CRIP3: variants seen among roughly 807,000 people sequenced by gnomAD.
The protein encoded by CRIP3 is cysteine-rich protein 3.
Under a neutral mutation model 30.3 loss-of-function variants are expected in CRIP3, and 23 were observed. The ratio of observed to expected loss-of-function variants is 0.76; its 90% CI spans 0.55 to 1.08. The LOEUF (loss-of-function observed/expected upper bound fraction) is 1.08. CRIP3 is among the 50% of genes least tolerant of loss of function. CRIP3 has a pLI of 0.00. For missense variants in CRIP3, 261 were observed against 259.3 expected (o/e 1.01, Z -0.04); for synonymous variants, 89 against 97.6 (o/e 0.91, Z 0.52).
intron 1 of CRIP3, 137 bp downstream of exon 1, chr6:43,308,612 CG>C: frequency 9.1e-7 from 1 of 1,095,816 alleles, no homozygotes; most frequent in Non-Finnish European, 1.3e-6. Context: ...CGAGTGGGAG[CG>C]GGTGGTGCGG....
chr6:43,306,702 C>A (rs565956092), intron 4 of CRIP3, 185 bp from the exon 5 acceptor site: 125 of 598,442 alleles, frequency 2.1e-4, no homozygotes, highest in South Asian at 1.5e-3. Context: ...TGCCCCATCC[C>A]TATGTGTATT....
At chr6:43,306,664 G>C in intron 4 of CRIP3, 147 bp from the exon 5 acceptor site, 1 of 645,324 alleles carries the variant, frequency 1.5e-6, no homozygotes, top group South Asian at 2.0e-5. Flanking sequence ...TACAGGCCCA[G>C]AGCTGAGCCC....
chr6:43,307,979 G>C, intron 2 of CRIP3, 83 bp from the exon 3 acceptor site: 1 of 1,472,380 alleles, frequency 6.8e-7, no homozygotes, highest in Non-Finnish European at 9.4e-7. Context: ...CAGGCTGCCA[G>C]GTGTGTCTGT....
At chr6:43,305,915 TG>T (rs756757403) in intron 7 of CRIP3, 40 bp from the exon 8 acceptor site, 24 of 1,613,796 alleles carry the variant, frequency 1.5e-5, no homozygotes, top group Middle Eastern at 3.3e-4. Context: ...CCTGGGTCTG[TG>T]GTGCAGGGTT....
intron 4 of CRIP3, 42 bp from the exon 5 acceptor site, chr6:43,306,559 T>C: frequency 2.0e-6 from 3 of 1,496,048 alleles, no homozygotes; most frequent in South Asian, 1.3e-5. Context: ...GAGGTGGAGA[T>C]GCCCACCAGC....
In CRIP3 at chr6:43,307,913, G is replaced by T; in HGVS notation, c.139-17C>A. ...CCCATTGTGCTGGGCACAAGCAGAG[G>T]GAAGTGGGTTACTCAAGGCCAGCGG... is the stretch of plus-strand genomic sequence containing the variant. On this transcript the variant is annotated splice_polypyrimidine_tract_variant and intron_variant, in intron 2 of 7. Coordinates refer to ENST00000372569, the MANE Select transcript of CRIP3 (RefSeq NM_206922.3). The T allele has an allele frequency of 6.2e-7, 1 of 1,613,278 alleles. No individual in the cohort carries two copies. The highest frequency in any genetic ancestry group is 2.2e-5 in the East Asian group (1 of 44,860).
intron 6 of CRIP3, 43 bp from the exon 7 acceptor site, chr6:43,306,167 T>G: frequency 1.2e-6 from 2 of 1,614,000 alleles, no homozygotes; most frequent in East Asian, 4.5e-5. Context: ...CCTGGTTCTC[T>G]TCCCATCTCC....
At chr6:43,307,481 A>G (rs1357034020) in intron 4 of CRIP3, 131 bp downstream of exon 4, 10 of 872,460 alleles carry the variant, frequency 1.1e-5, no homozygotes, top group African/African-American at 3.5e-5. Context: ...GATAGAGAAG[A>G]CTTTGCCAAG....
In CRIP3 at chr6:43,308,307, G is replaced by C. The variant is rs771811816; in HGVS notation, c.138+8C>G. 1 of 1,609,324 alleles carries C rather than the reference G, an allele frequency of 6.2e-7. No homozygotes were observed. Among genetic ancestry groups the C allele is most frequent in the Non-Finnish European group, 8.5e-7 (1 of 1,177,430 alleles). Reference sequence around the variant, plus strand: ...TAAACAGGGCAGTGCTCCCTGGCCAGGTCTTACCTCTGCATGCCCGCCAGG... The same window carrying C: ...TAAACAGGGCAGTGCTCCCTGGCCACGTCTTACCTCTGCATGCCCGCCAGG... On this transcript the variant is annotated splice_region_variant and intron_variant, in intron 2 of 7. Transcript: ENST00000372569.
At chr6:43,308,245 T>G in intron 2 of CRIP3, 70 bp downstream of exon 2, 9 of 1,356,946 alleles carry the variant, frequency 6.6e-6, no homozygotes, top group Non-Finnish European at 8.2e-6. Context: ...AGTGCTGAAG[T>G]TGGGGGCTGG....
rs1778977165 is a variant in CRIP3, at chr6:43,307,751, G to A, written c.197-8C>T. The A allele has an allele frequency of 1.9e-6, 3 of 1,599,620 alleles. No homozygotes were observed. Among genetic ancestry groups the A allele is most frequent in the African/African-American group, 2.7e-5 (2 of 74,386 alleles). ...CACCACCAATGTTCACCCCTGAAGA[G>A]AGAATAGGGGAGGTCAGGCTTGAGC... On this transcript the variant is annotated splice_polypyrimidine_tract_variant and splice_region_variant and intron_variant, in intron 3 of 7. Coordinates refer to ENST00000372569, the MANE Select transcript of CRIP3 (RefSeq NM_206922.3).
At chr6:43,307,402 A>G (rs1320597142) in intron 4 of CRIP3, 1 of 403,196 alleles carries the variant, frequency 2.5e-6, no homozygotes, top group African/African-American at 2.1e-5. Context: ...CCTCCCAACA[A>G]TTTACCTCTT....
chr6:43,306,564 A>G, intron 4 of CRIP3, 47 bp from the exon 5 acceptor site: 1 of 1,453,016 alleles, frequency 6.9e-7, no homozygotes, highest in Non-Finnish European at 9.4e-7. Flanking sequence ...GGAGATGCCC[A>G]CCAGCACCTG....
intron 2 of CRIP3, 130 bp from the exon 3 acceptor site, chr6:43,308,026 G>T: frequency 1.0e-6 from 1 of 994,798 alleles, no homozygotes; most frequent in Non-Finnish European, 1.5e-6. Context: ...GAGGGGTGGG[G>T]GATGGGCTGG....
chr6:43,308,365 G>T lies in CRIP3; in HGVS notation c.88C>A (p.Leu30Met). 6.2e-7 allele frequency: 1 copy of T among 1,612,728 alleles called. No individual in the cohort carries two copies. The highest frequency in any genetic ancestry group is 8.5e-7 in the Non-Finnish European group (1 of 1,179,664). The change falls in exon 2 of 8, where the codon CTG becomes ATG. Residue 30 changes from leucine to methionine, a missense_variant. Transcript: ENST00000372569. ...ATGCTGTGGCAGCGCTCACATTTCAGGCAGAAGCGGTGCCAGTTCTTGCCC... is the reference window on the plus strand; with the variant it reads ...ATGCTGTGGCAGCGCTCACATTTCATGCAGAAGCGGTGCCAGTTCTTGCCC... ...SLGKNWHRFCLKCERCHSILS... is the reference protein window; with the variant it reads ...SLGKNWHRFCMKCERCHSILS...
intron 5 of CRIP3, 51 bp downstream of exon 5, chr6:43,306,395 C>G (rs746309926): frequency 1.9e-6 from 3 of 1,608,142 alleles, no homozygotes; most frequent in Non-Finnish European, 2.6e-6. Flanking sequence ...CCTCCCTCCC[C>G]CTTGCTGCCC....
chr6:43,308,194 G>A, intron 2 of CRIP3, 121 bp downstream of exon 2: 2 of 888,664 alleles, frequency 2.3e-6, no homozygotes, highest in Non-Finnish European at 1.7e-6. Flanking sequence ...CAGGTGGGCG[G>A]CCTTGGGGTT....
At chr6:43,306,559 T>A in intron 4 of CRIP3, 42 bp from the exon 5 acceptor site, 1 of 1,496,048 alleles carries the variant, frequency 6.7e-7, no homozygotes. Flanking sequence ...GAGGTGGAGA[T>A]GCCCACCAGC....
Position 43,306,221 on chromosome 6 carries a change from C to G in CRIP3, c.493G>C (p.Glu165Gln), listed in dbSNP as rs145835632. The change falls in exon 6 of 8, where the codon GAG becomes CAG. Residue 165 changes from glutamate (E) to glutamine (Q), a missense_variant and splice_region_variant. Transcript: ENST00000372569. ...CCACTCATTCCTGCCCTGCTCACCT[C>G]AGCATGACTCCCAGCAGTCAGGGTC... ...HKTLTAGSHA[E>Q]HDGVPYCHVP... 53 of 1,614,172 alleles carry G rather than the reference C, an allele frequency of 3.3e-5. No homozygotes were observed. In the African/African-American group the frequency reaches 6.5e-4, roughly 20 times the overall value.
Sources: gnomAD v4.1 joint callset for allele counts on GRCh38, gnomAD v4.1.1 for gene constraint, MANE v1.5 for transcripts, NCBI Gene and HGNC (gene_info 2026-07-23, HGNC 2026-07-21) for gene names.